Variants in ZBED2 observed in about 807,000 individuals in gnomAD.
The protein encoded by ZBED2 is zinc finger BED domain-containing protein 2.
For missense variants in ZBED2, 285 were observed against 281.0 expected (o/e 1.01, Z -0.10); for synonymous variants, 97 against 98.8 (o/e 0.98, Z 0.11).
Position 111,594,100 on chromosome 3 carries a change from C to T in ZBED2, c.102G>A (p.Leu34=). ...EEEEISETGE[L]VGPFVSAMPT... ...GCATAGCACTCACAAAAGGGCCAAC[C>T]AGTTCTCCTGTCTCACTAATCTCTT... Residue 34 remains leucine (L), a synonymous_variant, in exon 2 of 2, where the codon CTG becomes CTA. Transcript: ENST00000317012. 1 of 1,614,178 alleles carries T rather than the reference C, an allele frequency of 6.2e-7. No homozygotes were observed. Among genetic ancestry groups the T allele is most frequent in the Non-Finnish European group, 8.5e-7 (1 of 1,180,042 alleles).
At position 111,594,437 on chromosome 3, in the gene ZBED2, G is replaced by A. The variant is rs1937159552; in HGVS notation, c.-236C>T. On this transcript the variant is annotated 5_prime_UTR_variant, in exon 2 of 2. Coordinates refer to ENST00000317012, the MANE Select transcript of ZBED2 (RefSeq NM_024508.5). ...CAGCCCAAGAGTGCATTCCTTCCATGCCCCAGATACTTACTTATCCTCCCT... is the reference window on the plus strand; with the variant it reads ...CAGCCCAAGAGTGCATTCCTTCCATACCCCAGATACTTACTTATCCTCCCT... The A allele has an allele frequency of 2.1e-6, 1 of 470,096 alleles. No homozygotes were observed. 29.1% of individuals were successfully genotyped at this position (470,096 alleles called of 1,614,324 possible).
rs1937188787 is a variant in ZBED2, at chr3:111,595,011, G to A, written c.-810C>T. The A allele has an allele frequency of 6.0e-6, 1 of 166,996 alleles. No individual in the cohort carries two copies. Among genetic ancestry groups the A allele is most frequent in the Non-Finnish European group, 1.5e-5 (1 of 68,116 alleles). The allele number at this position is 166,996 out of a possible 1,614,324, so 10.3% of individuals were successfully genotyped here. ...AGCACATCTTCACAAACACAGCGTT[G>A]CCTGGCTGTCCTTAGCAAGCAGCTC... On this transcript the variant is annotated 5_prime_UTR_variant, in exon 2 of 2. It introduces an in-frame stop codon into an upstream open reading frame of the 5' UTR. Transcript: ENST00000317012.
In ZBED2 at chr3:111,593,858, T is replaced by C. The variant is rs768937731; in HGVS notation, c.344A>G (p.His115Arg). ...MHREELEKSG[H>R]GQAGQRQDPR... The stretch of plus-strand genomic sequence containing the variant: ...ATCCTGGCGCTGCCCAGCCTGACCA[T>C]GGCCACTCTTCTCCAGCTCCTCTCT... The change falls in exon 2 of 2, where the codon CAT becomes CGT. Residue 115 changes from histidine to arginine, a missense_variant. Transcript: ENST00000317012. 1.2e-6 allele frequency: 2 copies of C among 1,613,908 alleles called. No individual in the cohort carries two copies. Among genetic ancestry groups the C allele is most frequent in the African/African-American group, 1.3e-5 (1 of 75,044 alleles).
Position 111,594,058 on chromosome 3 carries a change from G to A in ZBED2, c.144C>T (p.His48=). The change falls in exon 2 of 2, where the codon CAC becomes CAT. Residue 48 remains histidine, a synonymous_variant. Transcript: ENST00000317012. Reference sequence around the variant, plus strand: ...CCTCAGAGAACCGGGTGCCCTTGTTGTGGGGCATTGGAGTGGGCATAGCAC... The same window carrying A: ...CCTCAGAGAACCGGGTGCCCTTGTTATGGGGCATTGGAGTGGGCATAGCAC... The part of the protein sequence containing the change: ...FVSAMPTPMP[H]NKGTRFSEAW... 1 of 1,614,152 alleles carries A rather than the reference G, an allele frequency of 6.2e-7. No homozygotes were observed. Among genetic ancestry groups the A allele is most frequent in the Non-Finnish European group, 8.5e-7 (1 of 1,180,032 alleles).
rs1192869801 is a variant in ZBED2, at chr3:111,592,937, A to G, written c.*608T>C. Reference sequence around the variant, plus strand: ...AACTTTAATATAAGCAAGAAAATACATTGCAGCAATAACAGGAGAAAGAGA... The same window carrying G: ...AACTTTAATATAAGCAAGAAAATACGTTGCAGCAATAACAGGAGAAAGAGA... On this transcript the variant is annotated 3_prime_UTR_variant, in exon 2 of 2. Transcript: ENST00000317012. The G allele has an allele frequency of 2.0e-5, 3 of 152,248 alleles. No individual in the cohort carries two copies. Among genetic ancestry groups the G allele is most frequent in the Non-Finnish European group, 2.9e-5 (2 of 68,040 alleles). 9.4% of individuals were successfully genotyped at this position (152,248 alleles called of 1,614,324 possible).
chr3:111,593,477 G>T lies in ZBED2; in HGVS notation c.*68C>A. On this transcript the variant is annotated 3_prime_UTR_variant, in exon 2 of 2. Transcript: ENST00000317012. ...AACTACTTTGCTTTACATTTGAGTT[G>T]AAACTAAAATGGCTCTTTTCTACAA... 3.4e-6 allele frequency: 5 copies of T among 1,489,006 alleles called. No homozygotes were observed. Among genetic ancestry groups the T allele is most frequent in the Non-Finnish European group, 3.6e-6 (4 of 1,120,030 alleles). The allele number at this position is 1,489,006 out of a possible 1,614,324, so 92.2% of individuals were successfully genotyped here.
In ZBED2 at chr3:111,594,670, T is replaced by C. The variant is rs1220216161; in HGVS notation, c.-469A>G. Reference sequence around the variant, plus strand: ...GCTTCTTATTTCCTATAATTGCATTTTGGAGGCAGGAGAAACAGCCTCAGG... The same window carrying C: ...GCTTCTTATTTCCTATAATTGCATTCTGGAGGCAGGAGAAACAGCCTCAGG... On this transcript the variant is annotated 5_prime_UTR_variant, in exon 2 of 2. Coordinates refer to ENST00000317012, the MANE Select transcript of ZBED2 (RefSeq NM_024508.5). 1 of 168,166 alleles carries C rather than the reference T, an allele frequency of 5.9e-6. No homozygotes were observed. The highest frequency in any genetic ancestry group is 1.5e-5 in the Non-Finnish European group (1 of 68,896). 10.4% of individuals were successfully genotyped at this position (168,166 alleles called of 1,614,324 possible).
chr3:111,594,243 G>A lies in ZBED2; in HGVS notation c.-42C>T. 1.3e-6 allele frequency: 2 copies of A among 1,518,532 alleles called. No homozygotes were observed. The highest frequency in any genetic ancestry group is 1.4e-5 in the African/African-American group (1 of 71,872). 94.1% of individuals were successfully genotyped at this position (1,518,532 alleles called of 1,614,324 possible). A position where few individuals can be genotyped will look rare whatever the true frequency, so the allele number is the denominator to read the frequency against. On this transcript the variant is annotated 5_prime_UTR_variant, in exon 2 of 2. Coordinates refer to ENST00000317012, the MANE Select transcript of ZBED2 (RefSeq NM_024508.5). The stretch of plus-strand genomic sequence containing the variant: ...CGTTCTTTATGATGTGCTTAGATGT[G>A]AGCCAAAAGCTTATTTGAACCACAA...
Position 111,594,494 on chromosome 3 carries a change from T to C in ZBED2, c.-293A>G, listed in dbSNP as rs1216219415. ...GGCCAGAAAGACAAAACATATCAGT[T>C]CCTGTAGCAAAGGGGTTCTCTGGTC... On this transcript the variant is annotated 5_prime_UTR_variant, in exon 2 of 2. Coordinates refer to ENST00000317012, the MANE Select transcript of ZBED2 (RefSeq NM_024508.5). 1 of 330,352 alleles carries C rather than the reference T, an allele frequency of 3.0e-6. No individual in the cohort carries two copies. Among genetic ancestry groups the C allele is most frequent in the Non-Finnish European group, 5.8e-6 (1 of 172,236 alleles). The allele number at this position is 330,352 out of a possible 1,614,324, so 20.5% of individuals were successfully genotyped here. A position where few individuals can be genotyped will look rare whatever the true frequency, so the allele number is the denominator to read the frequency against.
rs1245678144 is a variant in ZBED2, at chr3:111,594,194, CTCA to C, written c.5_7del (p.Met2del). 7 of 1,591,362 alleles carry C rather than the reference CTCA, an allele frequency of 4.4e-6. No homozygotes were observed. The highest frequency in any genetic ancestry group is 1.7e-4 in the Middle Eastern group (1 of 5,962). The stretch of plus-strand genomic sequence containing the variant: ...TCCCTCCTCTTCCTCGTCTTCCCGC[CTCA>C]TCATGTCACCTCTTCTACAGCGTTC... On this transcript the variant is annotated inframe_deletion, in exon 2 of 2. Transcript: ENST00000317012.
chr3:111,593,694 G>C lies in ZBED2; in HGVS notation c.508C>G (p.Arg170Gly). 6.2e-7 allele frequency: 1 copy of C among 1,613,332 alleles called. No homozygotes were observed. The highest frequency in any genetic ancestry group is 8.5e-7 in the Non-Finnish European group (1 of 1,179,642). The change falls in exon 2 of 2, where the codon CGG becomes GGG. Residue 170 changes from arginine to glycine, a missense_variant. Transcript: ENST00000317012. ...VLRRERAVEWRERAVEKRERA... is the reference protein window; with the variant it reads ...VLRRERAVEWGERAVEKRERA... ...TCCCTTTTTTCCACAGCCCTCTCCC[G>C]CCATTCCACTGCCCTTTCCCTCCTA...
rs972122803 is a variant in ZBED2, at chr3:111,594,366, T to C, written c.-165A>G. On this transcript the variant is annotated 5_prime_UTR_variant, in exon 2 of 2. Coordinates refer to ENST00000317012, the MANE Select transcript of ZBED2 (RefSeq NM_024508.5). Reference sequence around the variant, plus strand: ...ACCTGGGTGGTGTGAGGTTTCTTCCTTTCTGCTTCACTGGAGAGTCAGGGG... The same window carrying C: ...ACCTGGGTGGTGTGAGGTTTCTTCCCTTCTGCTTCACTGGAGAGTCAGGGG... 44 of 779,000 alleles carry C rather than the reference T, an allele frequency of 5.6e-5. No homozygotes were observed. The highest frequency in any genetic ancestry group is 1.0e-5 in the Non-Finnish European group (5 of 499,254). The allele number at this position is 779,000 out of a possible 1,614,324, so 48.3% of individuals were successfully genotyped here. A position where few individuals can be genotyped will look rare whatever the true frequency, so the allele number is the denominator to read the frequency against.
In ZBED2 at chr3:111,593,176, T is replaced by A; in HGVS notation, c.*369A>T. On this transcript the variant is annotated 3_prime_UTR_variant, in exon 2 of 2. Coordinates refer to ENST00000317012, the MANE Select transcript of ZBED2 (RefSeq NM_024508.5). Reference sequence around the variant, plus strand: ...GCACATTCCAGCTACCTAACCAGCCTCAGCCCTCAAAATCGTCAGCTCCAC... The same window carrying A: ...GCACATTCCAGCTACCTAACCAGCCACAGCCCTCAAAATCGTCAGCTCCAC... 1.2e-5 allele frequency: 2 copies of A among 172,662 alleles called. No individual in the cohort carries two copies. The highest frequency in any genetic ancestry group is 5.7e-5 in the Admixed American group (1 of 17,594). The allele number at this position is 172,662 out of a possible 1,614,324, so 10.7% of individuals were successfully genotyped here. A position where few individuals can be genotyped will look rare whatever the true frequency, so the allele number is the denominator to read the frequency against.
At position 111,593,615 on chromosome 3, in the gene ZBED2, C is replaced by A; in HGVS notation, c.587G>T (p.Arg196Met). 6.3e-7 allele frequency: 1 copy of A among 1,586,386 alleles called. No homozygotes were observed. ...RAILEMKWKV[R>M]AEKEACQREK... ...CCGCTGGCATGCCTCCTTCTCAGCC[C>A]TCACCTTCCACTTCATCTCCAGGAT... Residue 196 changes from arginine (R) to methionine (M), a missense_variant, in exon 2 of 2, where the codon AGG (arginine) becomes ATG (methionine). Coordinates refer to ENST00000317012, the MANE Select transcript of ZBED2 (RefSeq NM_024508.5).
chr3:111,595,128 T>C (rs2107633805), intron 1 of ZBED2, 62 bp from the exon 2 acceptor site: 1 of 166,310 alleles, frequency 6.0e-6, no homozygotes, highest in African/African-American at 2.4e-5. Flanking sequence ...TTTTGCTCTT[T>C]ACCTCATTTT....
chr3:111,594,041 A>T lies in ZBED2; in HGVS notation c.161T>A (p.Phe54Tyr), dbSNP rs779289673. 113 of 1,614,000 alleles carry T rather than the reference A, an allele frequency of 7.0e-5. No homozygotes were observed. The highest frequency in any genetic ancestry group is 8.6e-5 in the Non-Finnish European group (101 of 1,180,008). ...GTGGAAATATTCCCATGCCTCAGAG[A>T]ACCGGGTGCCCTTGTTGTGGGGCAT... ...TPMPHNKGTR[F>Y]SEAWEYFHLA... is the part of the protein sequence containing the mutation. Residue 54 changes from phenylalanine (F) to tyrosine (Y), a missense_variant, in exon 2 of 2, where the codon TTC becomes TAC. Physicochemically the swap from Phe to Tyr is conservative, Grantham distance 22. Transcript: ENST00000317012.
chr3:111,594,331 G>T lies in ZBED2; in HGVS notation c.-130C>A. ...TTGGGGATTCACAATAATGGCCAAA[G>T]TCTGGCCACACCTGGGTGGTGTGAG... On this transcript the variant is annotated 5_prime_UTR_variant, in exon 2 of 2. Transcript: ENST00000317012. 1 of 1,152,700 alleles carries T rather than the reference G, an allele frequency of 8.7e-7. No individual in the cohort carries two copies. The highest frequency in any genetic ancestry group is 1.2e-6 in the Non-Finnish European group (1 of 817,130). 71.4% of individuals were successfully genotyped at this position (1,152,700 alleles called of 1,614,324 possible). A position where few individuals can be genotyped will look rare whatever the true frequency, so the allele number is the denominator to read the frequency against.
rs1386255776 is a variant in ZBED2, at chr3:111,593,916, T to C, written c.286A>G (p.Thr96Ala). The change falls in exon 2 of 2, where the codon ACT (threonine) becomes GCT (alanine). Residue 96 changes from threonine to alanine, a missense_variant. By Grantham distance (58) the Thr-to-Ala change is moderately conservative (BLOSUM62 0). Coordinates refer to ENST00000317012, the MANE Select transcript of ZBED2 (RefSeq NM_024508.5). Reference protein sequence around the residue: ...SRGPGVNVGTTALWKHLKSMH... With the variant: ...SRGPGVNVGTAALWKHLKSMH... ...CTTTTCAGATGCTTCCACAGTGCAG[T>C]GGTGCCCACGTTGACCCCAGGGCCA... 1.9e-6 allele frequency: 3 copies of C among 1,613,708 alleles called. No individual in the cohort carries two copies. Among genetic ancestry groups the C allele is most frequent in the Admixed American group, 3.3e-5 (2 of 60,012 alleles).
rs1937180471 is a variant in ZBED2, at chr3:111,594,860, A to G, written c.-659T>C. On this transcript the variant is annotated 5_prime_UTR_variant, in exon 2 of 2. Transcript: ENST00000317012. ...CAAAGCCTATGAGGATCTGGATAATAAAGTTCCCAATGCAAGGTCAGTTTG... is the reference window on the plus strand; with the variant it reads ...CAAAGCCTATGAGGATCTGGATAATGAAGTTCCCAATGCAAGGTCAGTTTG... 6.0e-6 allele frequency: 1 copy of G among 167,156 alleles called. No homozygotes were observed. Among genetic ancestry groups the G allele is most frequent in the Admixed American group, 6.5e-5 (1 of 15,298 alleles). 10.4% of individuals were successfully genotyped at this position (167,156 alleles called of 1,614,324 possible).
Sources: gnomAD v4.1 joint callset for allele counts on GRCh38, gnomAD v4.1.1 for gene constraint, MANE v1.5 for transcripts, NCBI Gene and HGNC (gene_info 2026-07-23, HGNC 2026-07-21) for gene names.